Variants in RECK observed in about 807,000 individuals in gnomAD.
RECK encodes reversion inducing cysteine rich protein with kazal motifs, also known as reversion-inducing cysteine-rich protein with Kazal motifs.
RECK carries 69 observed loss-of-function variants against 115.1 expected under a neutral mutation model. The ratio of observed to expected loss-of-function variants is 0.60; its 90% CI spans 0.49 to 0.73. The LOEUF (loss-of-function observed/expected upper bound fraction) is 0.73. RECK is among the 30% of genes least tolerant of loss of function. The probability of loss-of-function intolerance (pLI) is 0.00; values close to 1 mark genes in which losing one functional copy is unlikely to be tolerated. For missense variants in RECK, 1,047 were observed against 1,203.7 expected (o/e 0.87, Z 1.93); for synonymous variants, 414 against 419.7 (o/e 0.99, Z 0.17).
chr9:36,109,842 C>T, intron 14 of RECK, 115 bp from the exon 15 acceptor site: 4 of 858,398 alleles, frequency 4.7e-6, no homozygotes, highest in South Asian at 1.8e-5. Context: ...AGACCCTTCT[C>T]AAAAAAAAAA....
At chr9:36,052,621 T>C (rs1206438246) in intron 2 of RECK, among the ~76,000 whole-genome samples, 1 of 152,184 alleles carries the variant, frequency 6.6e-6, no homozygotes, top group African/African-American at 2.4e-5. Flanking sequence ...GCTGACATGA[T>C]ACACTGAGAA....
At chr9:36,052,870 A>T (rs770101708) in intron 2 of RECK, among the ~76,000 whole-genome samples, 1 of 152,218 alleles carries the variant, frequency 6.6e-6, no homozygotes, top group South Asian at 2.1e-4. Flanking sequence ...AAAGGACATT[A>T]TCAGGATAAA....
intron 2 of RECK, among the ~76,000 whole-genome samples, chr9:36,058,162 C>T (rs1349894959): frequency 6.6e-6 from 1 of 151,680 alleles, no homozygotes; most frequent in Non-Finnish European, 1.5e-5. Flanking sequence ...GGTATATACC[C>T]AAAGGACTAT....
In RECK at chr9:36,112,359, G is replaced by A. The variant is rs139092872; in HGVS notation, c.1943G>A (p.Arg648His). ...QFVPVCGQNG[R>H]TYPSACIARC... ...GTCCCTGTATGTGGGCAGAATGGGCGCACTTACCCCAGTGCCTGCATTGCT... is the reference window on the plus strand; with the variant it reads ...GTCCCTGTATGTGGGCAGAATGGGCACACTTACCCCAGTGCCTGCATTGCT... Residue 648 changes from arginine to histidine, a missense_variant, in exon 16 of 21, where the codon CGC (arginine) becomes CAC (histidine). Coordinates refer to ENST00000377966, the MANE Select transcript of RECK (RefSeq NM_021111.3). 11 of 1,613,724 alleles carry A rather than the reference G, an allele frequency of 6.8e-6. No individual in the cohort carries two copies. Among genetic ancestry groups the A allele is most frequent in the South Asian group, 1.1e-5 (1 of 91,060 alleles).
chr9:36,062,647 T>G (rs1821823488), intron 4 of RECK, among the ~76,000 whole-genome samples: 1 of 151,606 alleles, frequency 6.6e-6, no homozygotes, highest in Non-Finnish European at 1.5e-5. Flanking sequence ...CCAGCTAATT[T>G]TTGAATTTTT....
At chr9:36,038,262 T>C (rs771961945) in intron 1 of RECK, among the ~76,000 whole-genome samples, 2 of 152,074 alleles carry the variant, frequency 1.3e-5, no homozygotes, top group African/African-American at 2.4e-5. Context: ...TGCAGTGATA[T>C]GCCACTGCCC....
At chr9:36,062,857 G>A (rs757940657) in intron 4 of RECK, among the ~76,000 whole-genome samples, 2 of 152,016 alleles carry the variant, frequency 1.3e-5, no homozygotes, top group African/African-American at 2.4e-5. Flanking sequence ...TTGGAAGCCC[G>A]GGCGTGGTCG....
At chr9:36,062,304 G>A (rs1490887397) in intron 4 of RECK, among the ~76,000 whole-genome samples, 2 of 151,880 alleles carry the variant, frequency 1.3e-5, no homozygotes, top group African/African-American at 4.8e-5. Context: ...TGGGATTACA[G>A]GCATGCACCA....
chr9:36,110,794 G>C (rs1213098209), intron 15 of RECK, among the ~76,000 whole-genome samples: 1 of 151,756 alleles, frequency 6.6e-6, no homozygotes, highest in Non-Finnish European at 1.5e-5. Flanking sequence ...ATTACATGTG[G>C]AGAGGGGTGG....
At chr9:36,103,856 A>G (rs1196343645) in intron 12 of RECK, among the ~76,000 whole-genome samples, 1 of 152,214 alleles carries the variant, frequency 6.6e-6, no homozygotes, top group Non-Finnish European at 1.5e-5. Flanking sequence ...ATGAACTCCA[A>G]GGGCCCTTAT....
At chr9:36,091,086 T>C (rs917180014) in intron 9 of RECK, 78 bp from the exon 10 acceptor site, 11 of 1,363,104 alleles carry the variant, frequency 8.1e-6, no homozygotes, top group African/African-American at 1.5e-5. Flanking sequence ...ATATAGTTCA[T>C]AGAGTTTTAG....
intron 6 of RECK, among the ~76,000 whole-genome samples, chr9:36,078,301 TTAG>T (rs961261636): frequency 6.6e-6 from 1 of 152,236 alleles, no homozygotes; most frequent in African/African-American, 2.4e-5. Context: ...TTTATCTCCT[TTAG>T]TAGTACCTCT....
chr9:36,056,052 G>C (rs1484309477), intron 2 of RECK, among the ~76,000 whole-genome samples: 1 of 151,542 alleles, frequency 6.6e-6, no homozygotes, highest in East Asian at 1.9e-4. Flanking sequence ...TATATACAAA[G>C]GTAGAGAGAA....
intron 1 of RECK, among the ~76,000 whole-genome samples, chr9:36,042,460 G>A (rs1373807277): frequency 6.0e-5 from 9 of 149,522 alleles, no homozygotes; most frequent in Non-Finnish European, 3.0e-5. Flanking sequence ...GTGTGTGTGT[G>A]TGTGTACACA....
chr9:36,104,579 G>A (rs1587075089), intron 12 of RECK, among the ~76,000 whole-genome samples: 1 of 149,896 alleles, frequency 6.7e-6, no homozygotes, highest in Admixed American at 6.7e-5. Context: ...ATGTGATCTC[G>A]GCCCACTGCA....
At chr9:36,092,611 C>T (rs910839754) in intron 10 of RECK, among the ~76,000 whole-genome samples, 2 of 138,062 alleles carry the variant, frequency 1.4e-5, no homozygotes, top group Non-Finnish European at 3.1e-5. Context: ...AGGCTGGTTT[C>T]GAACCCCTGA....
chr9:36,065,228 TAAA>T (rs561725701), intron 5 of RECK, among the ~76,000 whole-genome samples: 1 of 50,558 alleles, frequency 2.0e-5, no homozygotes, highest in African/African-American at 6.5e-5. Context: ...GGAATTCAGC[TAAA>T]AAAAAAAAAA....
At chr9:36,082,854 A>T (rs886211069) in intron 7 of RECK, among the ~76,000 whole-genome samples, 2 of 152,106 alleles carry the variant, frequency 1.3e-5, no homozygotes, top group African/African-American at 4.8e-5. Flanking sequence ...CTTAGTTTTT[A>T]CTGGCCCTGT....
chr9:36,040,702 T>C (rs1029681922), intron 1 of RECK, among the ~76,000 whole-genome samples: 13 of 151,762 alleles, frequency 8.6e-5, no homozygotes, highest in Non-Finnish European at 1.6e-4. Context: ...GAGATAAGGG[T>C]TGACTCAAGA....
Sources: gnomAD v4.1 joint callset for allele counts (sites outside exome capture counted in the v4.1 genomes callset) on GRCh38, gnomAD v4.1.1 for gene constraint, MANE v1.5 for transcripts, NCBI Gene and HGNC (gene_info 2026-07-23, HGNC 2026-07-21) for gene names.